The following HNRNPD variants were observed in gnomAD, a reference collection of about 807,000 sequenced individuals.
The protein encoded by HNRNPD is heterogeneous nuclear ribonucleoprotein D0.
In HNRNPD, 3 loss-of-function variants were observed where a neutral mutation model predicts 47.9. The observed-to-expected ratio is 0.06, with a 90% CI of 0.03 to 0.16. The LOEUF is 0.16. Among genes scored for constraint, HNRNPD ranks in the 10% least tolerant of loss-of-function variants. The pLI is 1.00. For synonymous variants in HNRNPD, 171 were observed against 165.1 expected (o/e 1.04, Z -0.28); for missense variants, 287 against 454.2 (o/e 0.63, Z 3.35).
chr4:82,372,089 CTAGAT>C (rs1720073413), intron 1 of HNRNPD, among the ~76,000 whole-genome samples: 1 of 152,034 alleles, frequency 6.6e-6, no homozygotes, highest in Admixed American at 6.6e-5. Flanking sequence ...TTTTCTAATA[CTAGAT>C]TAAAGCGACA....
rs372208429 is a variant in HNRNPD at position 82,368,977 on chromosome 4, AG to A, written c.290+2550del. Among the ~76,000 whole-genome samples the A allele has an allele frequency of 7.5e-4, 114 of 152,346 alleles. No homozygotes were observed. The Middle Eastern group carries it at 0.014, about 18-fold the overall frequency. The stretch of plus-strand genomic sequence containing the variant: ...ACAATATCTACTGTCCTGTTATTAA[AG>A]AAGCATTGCTGGACTTTGGCTAAGT... On this transcript the variant is annotated intron_variant, in intron 2 of 8. Transcript: ENST00000313899.
rs1720287787 is a variant in HNRNPD at position 82,373,906 on chromosome 4, C to T, written c.-228G>A. The T allele has an allele frequency of 9.4e-7, 1 of 1,060,316 alleles. No individual in the cohort carries two copies. Among genetic ancestry groups the T allele is most frequent in the Non-Finnish European group, 1.3e-6 (1 of 781,374 alleles). The allele number at this position is 1,060,316 out of a possible 1,614,324, so 65.7% of individuals were successfully genotyped here. ...CACACTCCCGCTCTCTCCCGCTGCA[C>T]TAAAAAAGAATAAGCACCAGCGGCG... On this transcript the variant is annotated 5_prime_UTR_variant, in exon 1 of 9. In the 5' UTR this introduces an upstream ATG that the reference lacks. Transcript: ENST00000313899.
At chr4:82,359,884 A>T (rs1723886217) in intron 2 of HNRNPD, among the ~76,000 whole-genome samples, 1 of 152,196 alleles carries the variant, frequency 6.6e-6, no homozygotes, top group African/African-American at 2.4e-5. Flanking sequence ...GCTAAAAGAT[A>T]AACATATACC....
At chr4:82,366,589 C>T (rs983744181) in intron 2 of HNRNPD, among the ~76,000 whole-genome samples, 3 of 151,552 alleles carry the variant, frequency 2.0e-5, no homozygotes, top group Non-Finnish European at 4.4e-5. Flanking sequence ...TTTTTTGAGA[C>T]GGAGTCTTGC....
chr4:82,365,636 C>T (rs1719711514), intron 2 of HNRNPD, among the ~76,000 whole-genome samples: 1 of 152,114 alleles, frequency 6.6e-6, no homozygotes, highest in African/African-American at 2.4e-5. Context: ...GACAGAGTCT[C>T]GCTCTATTGC....
At chr4:82,373,301 C>A in intron 1 of HNRNPD, 145 bp downstream of exon 1, 1 of 1,108,462 alleles carries the variant, frequency 9.0e-7, no homozygotes, top group Non-Finnish European at 1.3e-6. Context: ...GGGAACCCAA[C>A]ATAGAAAAAG....
Position 82,373,803 on chromosome 4 carries a change from G to T in HNRNPD, c.-125C>A. On this transcript the variant is annotated 5_prime_UTR_variant, in exon 1 of 9. Transcript: ENST00000313899. ...CTACCTCGCGAAGCACACAAGACAG[G>T]GAAGGCGCGCGCGTGGCTGCAAAGG... is the stretch of plus-strand genomic sequence containing the variant. 1 of 1,504,052 alleles carries T rather than the reference G, an allele frequency of 6.6e-7. No individual in the cohort carries two copies. Among genetic ancestry groups the T allele is most frequent in the Non-Finnish European group, 8.9e-7 (1 of 1,129,798 alleles). The allele number at this position is 1,504,052 out of a possible 1,614,324, so 93.2% of individuals were successfully genotyped here.
intron 1 of HNRNPD, among the ~76,000 whole-genome samples, chr4:82,372,932 A>G (rs1395284699): frequency 1.3e-5 from 2 of 152,244 alleles, no homozygotes; most frequent in African/African-American, 2.4e-5. Context: ...AGGGAGAGGC[A>G]GAGGTGGACA....
chr4:82,353,332 A>G lies in HNRNPD; in HGVS notation c.*853T>C, dbSNP rs1723582231. ...AACAAATAAGCACACACACATAAAC[A>G]CGGTATATATTTCTTTAATCCTCCC... On this transcript the variant is annotated 3_prime_UTR_variant, in exon 9 of 9. Transcript: ENST00000313899. 1 of 152,148 alleles carries G rather than the reference A, an allele frequency of 6.6e-6. No homozygotes were observed. The highest frequency in any genetic ancestry group is 6.5e-5 in the Admixed American group (1 of 15,274). The allele number at this position is 152,148 out of a possible 1,614,324, so 9.4% of individuals were successfully genotyped here.
intron 2 of HNRNPD, among the ~76,000 whole-genome samples, chr4:82,365,571 A>G (rs780358249): frequency 5.9e-5 from 9 of 152,024 alleles, no homozygotes; most frequent in Non-Finnish European, 1.2e-4. Context: ...TTCAAATACT[A>G]ACCAGCCTTT....
chr4:82,366,980 G>T (rs1187279248), intron 2 of HNRNPD, among the ~76,000 whole-genome samples: 1 of 150,464 alleles, frequency 6.6e-6, no homozygotes, highest in African/African-American at 2.5e-5. Flanking sequence ...TCTGCCTCCT[G>T]AGTAGATGTA....
intron 1 of HNRNPD, chr4:82,373,069 A>G (rs1720150962): frequency 2.1e-6 from 1 of 476,814 alleles, no homozygotes; most frequent in African/African-American, 2.0e-5. Context: ...TATGCCCAAG[A>G]CTGTAGAAAA....
chr4:82,358,189 C>T (rs1292777382), intron 4 of HNRNPD: 1 of 153,336 alleles, frequency 6.5e-6, no homozygotes, highest in Admixed American at 6.5e-5. Flanking sequence ...CTCCAGTAAT[C>T]CACCCACTTC....
chr4:82,356,470 T>TC, intron 7 of HNRNPD, 67 bp downstream of exon 7: 1 of 1,339,166 alleles, frequency 7.5e-7, no homozygotes, highest in South Asian at 1.3e-5. Context: ...CACTAACCTT[T>TC]CTGCCTATCC....
chr4:82,368,029 A>G (rs1719850828), intron 2 of HNRNPD, among the ~76,000 whole-genome samples: 1 of 152,216 alleles, frequency 6.6e-6, no homozygotes. Context: ...TGCCCTATCT[A>G]CTAAAACGTT....
chr4:82,373,059 T>G, intron 1 of HNRNPD: 1 of 455,728 alleles, frequency 2.2e-6, no homozygotes, highest in Non-Finnish European at 4.3e-6. Flanking sequence ...TCTGTGTTTT[T>G]ATGCCCAAGA....
At chr4:82,356,956 T>C in intron 5 of HNRNPD, 61 bp from the exon 6 acceptor site, 1 of 1,385,432 alleles carries the variant, frequency 7.2e-7, no homozygotes, top group Non-Finnish European at 1.0e-6. Context: ...CTAAATAAGT[T>C]TCTAATAACC....
At chr4:82,362,230 C>G (rs1218070157) in intron 2 of HNRNPD, among the ~76,000 whole-genome samples, 1 of 152,202 alleles carries the variant, frequency 6.6e-6, no homozygotes, top group Non-Finnish European at 1.5e-5. Flanking sequence ...CATCTCATTT[C>G]TTCACAAGTT....
chr4:82,359,074 A>G (rs1257569508), intron 3 of HNRNPD, among the ~76,000 whole-genome samples: 1 of 152,172 alleles, frequency 6.6e-6, no homozygotes, highest in African/African-American at 2.4e-5. Context: ...ATATACAAAC[A>G]TGACTGCTAC....
Sources: allele counts gnomAD v4.1 joint callset (sites outside exome capture counted in the v4.1 genomes callset), GRCh38; gene constraint gnomAD v4.1.1; transcripts MANE v1.5; gene names NCBI Gene and HGNC (gene_info 2026-07-23, HGNC 2026-07-21).